The following SLC44A3 variants were observed in gnomAD, a reference collection of about 807,000 sequenced individuals.
SLC44A3 encodes choline transporter-like protein 3.
SLC44A3 carries 74 observed loss-of-function variants against 75.4 expected under a neutral mutation model. That is an observed-to-expected ratio of 0.98 (90% CI 0.81 to 1.19). The LOEUF (loss-of-function observed/expected upper bound fraction) is 1.19. Among genes scored for constraint, SLC44A3 ranks in the 50% most tolerant of loss-of-function variants. The pLI is 0.00. For synonymous variants in SLC44A3, 310 were observed against 296.9 expected, an observed-to-expected ratio of 1.04 and a Z score of -0.45; for missense variants, 700 against 778.6, an observed-to-expected ratio of 0.90 and a Z score of 1.20.
intron 10 of SLC44A3, among the ~76,000 whole-genome samples, chr1:94,863,170 G>A (rs535764070): frequency 6.6e-6 from 1 of 151,970 alleles, no homozygotes; most frequent in Non-Finnish European, 1.5e-5. Flanking sequence ...TTTAAGTTCC[G>A]TCTCCCATCA....
At chr1:94,876,483 C>T (rs2101571158) in intron 12 of SLC44A3, among the ~76,000 whole-genome samples, 1 of 152,290 alleles carries the variant, frequency 6.6e-6, no homozygotes, top group South Asian at 2.1e-4. Flanking sequence ...TCTTATTTGT[C>T]CTACGGCATT....
At chr1:94,894,243 C>T (rs1045530791) in intron 14 of SLC44A3, among the ~76,000 whole-genome samples, 1 of 152,208 alleles carries the variant, frequency 6.6e-6, no homozygotes, top group African/African-American at 2.4e-5. Context: ...GAAATTGATA[C>T]TCCATAATAT....
At chr1:94,823,430 A>G (rs866583859) in intron 2 of SLC44A3, among the ~76,000 whole-genome samples, 17 of 152,296 alleles carry the variant, frequency 1.1e-4, no homozygotes, top group African/African-American at 4.1e-4. Flanking sequence ...GAGAGTGGGA[A>G]AGGACAGGGA....
At chr1:94,844,416 C>G (rs986565379) in intron 8 of SLC44A3, among the ~76,000 whole-genome samples, 21 of 152,142 alleles carry the variant, frequency 1.4e-4, no homozygotes, top group African/African-American at 5.1e-4. Flanking sequence ...TTGTCAGCAT[C>G]TAGGAAGGAT....
Position 94,828,582 on chromosome 1 carries a change from C to T in SLC44A3, c.505C>T (p.Pro169Ser). ...DSLCPRLPVP[P>S]SKSFPLFNRC... Reference sequence around the variant, plus strand: ...ACTGTGTCCCAGGCTACCAGTTCCTCCAAGGTAAAAGCTTCCATACTTTTT... The same window carrying T: ...ACTGTGTCCCAGGCTACCAGTTCCTTCAAGGTAAAAGCTTCCATACTTTTT... Residue 169 changes from proline to serine, a missense_variant, in exon 5 of 15, where the codon CCA becomes TCA. Transcript: ENST00000271227. The T allele has an allele frequency of 6.2e-7, 1 of 1,613,664 alleles. No homozygotes were observed. The highest frequency in any genetic ancestry group is 8.5e-7 in the Non-Finnish European group (1 of 1,179,784).
chr1:94,865,622 G>T (rs1236595869), intron 11 of SLC44A3, among the ~76,000 whole-genome samples: 1 of 152,130 alleles, frequency 6.6e-6, no homozygotes, highest in African/African-American at 2.4e-5. Context: ...CTGTTCTCAT[G>T]GTATTTCTGG....
intron 3 of SLC44A3, 140 bp downstream of exon 3, chr1:94,824,775 T>A: frequency 1.0e-6 from 1 of 1,001,492 alleles, no homozygotes; most frequent in Non-Finnish European, 1.4e-6. Flanking sequence ...GTGTATATAG[T>A]ACAGGTAAGA....
At chr1:94,854,597 C>T (rs980088087) in intron 9 of SLC44A3, among the ~76,000 whole-genome samples, 6 of 152,238 alleles carry the variant, frequency 3.9e-5, no homozygotes, top group African/African-American at 1.4e-4. Context: ...TGTGCCTAAG[C>T]ACGTCTACCC....
intron 6 of SLC44A3, among the ~76,000 whole-genome samples, chr1:94,839,633 C>T (rs958940461): frequency 3.3e-5 from 5 of 152,158 alleles, no homozygotes; most frequent in African/African-American, 1.2e-4. Context: ...AGGTGATCCA[C>T]CCGCCTCGGC....
At chr1:94,886,814 T>G (rs1264618532) in intron 12 of SLC44A3, among the ~76,000 whole-genome samples, 1 of 152,166 alleles carries the variant, frequency 6.6e-6, no homozygotes, top group Non-Finnish European at 1.5e-5. Context: ...GAGGGAGTCT[T>G]GGATCCCAAG....
In SLC44A3 at chr1:94,852,913, T is replaced by C. The variant is rs371212880; in HGVS notation, c.1073-4422T>C. Among the ~76,000 whole-genome samples the C allele has an allele frequency of 1.9e-4, 29 of 152,198 alleles. 1 individual carries two copies. The East Asian group carries it at 2.5e-3, about 13-fold the overall frequency. ...AGATCAGAAATTAATTTTTAGTTGC[T>C]TTAATTGAAATGTCTTTTAGACCAC... On this transcript the variant is annotated intron_variant, in intron 9 of 14. Coordinates refer to ENST00000271227, the MANE Select transcript of SLC44A3 (RefSeq NM_001114106.3).
At chr1:94,847,911 G>T (rs1288154923) in intron 9 of SLC44A3, among the ~76,000 whole-genome samples, 1 of 152,152 alleles carries the variant, frequency 6.6e-6, no homozygotes, top group Non-Finnish European at 1.5e-5. Context: ...CTTGCATCTG[G>T]GATCCAAAGC....
chr1:94,882,590 T>C (rs1207413824), intron 12 of SLC44A3, among the ~76,000 whole-genome samples: 4 of 152,112 alleles, frequency 2.6e-5, no homozygotes, highest in Admixed American at 6.6e-5. Context: ...GCTTGGGGGA[T>C]GAAGGTGACA....
intron 9 of SLC44A3, among the ~76,000 whole-genome samples, chr1:94,848,199 A>G (rs947084133): frequency 5.3e-5 from 8 of 150,022 alleles, no homozygotes; most frequent in Non-Finnish European, 1.0e-4. Context: ...ACTGCACTCC[A>G]GCATGGGCCA....
rs1661509093 is a variant in SLC44A3 at position 94,827,360 on chromosome 1, T to C, written c.279-147T>C. ...CATGGATGACCACCAGTAGGCATCA[T>C]AAATGTTCAATTATGCTGAAACAAT... On this transcript the variant is annotated intron_variant, in intron 3 of 14. Coordinates refer to ENST00000271227, the MANE Select transcript of SLC44A3 (RefSeq NM_001114106.3). The C allele has an allele frequency of 5.9e-6, 6 of 1,014,186 alleles. No individual in the cohort carries two copies. The South Asian group carries it at 9.2e-5, about 16-fold the overall frequency. The allele number at this position is 1,014,186 out of a possible 1,614,324, so 62.8% of individuals were successfully genotyped here.
At chr1:94,839,641 G>A (rs895704676) in intron 6 of SLC44A3, among the ~76,000 whole-genome samples, 3 of 151,996 alleles carry the variant, frequency 2.0e-5, no homozygotes, top group Admixed American at 1.3e-4. Context: ...CACCCGCCTC[G>A]GCCTCCCAAA....
At chr1:94,866,155 AG>A (rs1207934481) in intron 11 of SLC44A3, among the ~76,000 whole-genome samples, 6 of 152,212 alleles carry the variant, frequency 3.9e-5, no homozygotes, top group African/African-American at 1.4e-4. Flanking sequence ...CTTGAAGAAC[AG>A]GACAGCGTTT....
At position 94,895,173 on chromosome 1, in the gene SLC44A3, C is replaced by CAAAGT. The variant is rs1670631964; in HGVS notation, c.*253_*257dup. On this transcript the variant is annotated 3_prime_UTR_variant, in exon 15 of 15. Coordinates refer to ENST00000271227, the MANE Select transcript of SLC44A3 (RefSeq NM_001114106.3). Reference sequence around the variant, plus strand: ...AACCATGTTTATATGCATCAACTTACAAAGTACACTATGTAAGAACTGAGG... The same window carrying CAAAGT: ...AACCATGTTTATATGCATCAACTTACAAAGTAAAGTACACTATGTAAGAACTGAGG... 5 of 360,662 alleles carry CAAAGT rather than the reference C, an allele frequency of 1.4e-5. No individual in the cohort carries two copies. In the South Asian group the frequency reaches 3.1e-4, roughly 22 times the overall value. The allele number at this position is 360,662 out of a possible 1,614,324, so 22.3% of individuals were successfully genotyped here. A position where few individuals can be genotyped will look rare whatever the true frequency, so the allele number is the denominator to read the frequency against.
intron 4 of SLC44A3, among the ~76,000 whole-genome samples, chr1:94,828,168 A>C (rs1314660105): frequency 1.3e-5 from 2 of 152,366 alleles, no homozygotes; most frequent in East Asian, 3.9e-4. Context: ...TATCTGTCTG[A>C]GAAATGGTTT....
Sources: gnomAD v4.1 joint callset for allele counts (sites outside exome capture counted in the v4.1 genomes callset) on GRCh38, gnomAD v4.1.1 for gene constraint, MANE v1.5 for transcripts, NCBI Gene and HGNC (gene_info 2026-07-23, HGNC 2026-07-21) for gene names.